Variants in AP4E1 observed in about 807,000 individuals in gnomAD.
AP4E1 encodes AP-4 complex subunit epsilon-1.
In AP4E1, 56 loss-of-function variants were observed where a neutral mutation model predicts 128.2. The ratio of observed to expected loss-of-function variants is 0.44; its 90% CI spans 0.35 to 0.55. The LOEUF (loss-of-function observed/expected upper bound fraction) is 0.55. Ranked by LOEUF, AP4E1 falls within the 20% of genes least tolerant of loss-of-function variation. The pLI is 0.00. For synonymous variants in AP4E1, 484 were observed against 473.1 expected (o/e 1.02, Z -0.30); for missense variants, 1,324 against 1,307.7 (o/e 1.01, Z -0.19).
intron 14 of AP4E1, among the ~76,000 whole-genome samples, chr15:50,961,832 A>G (rs2064318578): frequency 6.6e-6 from 1 of 152,008 alleles, no homozygotes. Flanking sequence ...TGCAGATGAC[A>G]TGATCTTATA....
At chr15:50,908,635 C>G, upstream of AP4E1, 5 of 1,117,684 alleles carry the variant, frequency 4.5e-6, no homozygotes, top group Non-Finnish European at 5.9e-6. Context: ...CGACGCTGAA[C>G]TTGTTCAGGT....
intron 13 of AP4E1, among the ~76,000 whole-genome samples, chr15:50,956,123 T>C (rs1299781214): frequency 6.6e-6 from 1 of 152,178 alleles, no homozygotes; most frequent in Non-Finnish European, 1.5e-5. Flanking sequence ...TTTTTAGGTA[T>C]ACTTAGTAGG....
At chr15:50,923,371 C>T (rs1455501098) in intron 3 of AP4E1, among the ~76,000 whole-genome samples, 1 of 152,056 alleles carries the variant, frequency 6.6e-6, no homozygotes. Flanking sequence ...ATGTGGCAGA[C>T]AGTGTTTCTT....
At chr15:50,922,989 G>A (rs1233705337) in intron 3 of AP4E1, among the ~76,000 whole-genome samples, 1 of 152,116 alleles carries the variant, frequency 6.6e-6, no homozygotes, top group East Asian at 1.9e-4. Flanking sequence ...GTGTTAGCCA[G>A]GATGGTCTCG....
chr15:50,975,190 G>A (rs2064535046), intron 15 of AP4E1, among the ~76,000 whole-genome samples: 1 of 152,190 alleles, frequency 6.6e-6, no homozygotes. Flanking sequence ...TGGACCACCT[G>A]AGGTCGGGAG....
chr15:50,944,653 C>A, intron 10 of AP4E1: 2 of 363,360 alleles, frequency 5.5e-6, no homozygotes. Flanking sequence ...GCCAGAAGAG[C>A]AACCAAGATG....
chr15:50,982,086 CAA>C (rs55717107), intron 15 of AP4E1, among the ~76,000 whole-genome samples: 639 of 49,234 alleles, frequency 0.013, 4 homozygotes, highest in African/African-American at 0.05. Context: ...ACTCCCATCT[CAA>C]AAAAAAAAAA....
rs2065001245 is a variant in AP4E1 at position 51,004,746 on chromosome 15, CAAACAATAATAG to C, written c.*2088_*2099del. The C allele has an allele frequency of 6.6e-6, 1 of 152,296 alleles. No individual in the cohort carries two copies. Among genetic ancestry groups the C allele is most frequent in the Non-Finnish European group, 1.5e-5 (1 of 67,960 alleles). 9.4% of individuals were successfully genotyped at this position (152,296 alleles called of 1,614,324 possible). ...TTTTATATTTTTATGATTTTAAAAA[CAAACAATAATAG>C]AAAAACAGATTTTAAGGAACTTCAG... On this transcript the variant is annotated 3_prime_UTR_variant, in exon 21 of 21. Coordinates refer to ENST00000261842, the MANE Select transcript of AP4E1 (RefSeq NM_007347.5).
chr15:50,931,712 A>T (rs974005945), intron 7 of AP4E1, among the ~76,000 whole-genome samples: 1 of 152,208 alleles, frequency 6.6e-6, no homozygotes, highest in Admixed American at 6.5e-5. Context: ...TAAAACTTGA[A>T]TCTCAAATCG....
At chr15:50,992,827 A>C (rs993424764) in intron 16 of AP4E1, among the ~76,000 whole-genome samples, 3 of 152,186 alleles carry the variant, frequency 2.0e-5, no homozygotes, top group African/African-American at 7.2e-5. Context: ...ATTTATGGGG[A>C]GCATGTATTC....
In AP4E1 at chr15:50,968,279, C is replaced by G. The variant is rs752020779; in HGVS notation, c.1868C>G (p.Ser623Cys). 1 of 1,612,850 alleles carries G rather than the reference C, an allele frequency of 6.2e-7. No homozygotes were observed. Among genetic ancestry groups the G allele is most frequent in the Non-Finnish European group, 8.5e-7 (1 of 1,179,324 alleles). Residue 623 changes from serine (S) to cysteine (C), a missense_variant, in exon 15 of 21, where the codon TCT (serine) becomes TGT (cysteine). Physicochemically the swap from Ser to Cys is moderately radical, Grantham distance 112. Coordinates refer to ENST00000261842, the MANE Select transcript of AP4E1 (RefSeq NM_007347.5). The part of the protein sequence containing the change: ...CEDLVVDASL[S>C]FLDGFVAEGL... ...TTAATATAGGTAGATGCTTCTTTAT[C>G]TTTTCTGGATGGTTTTGTGGCTGAA...
intron 13 of AP4E1, among the ~76,000 whole-genome samples, chr15:50,952,214 C>G (rs1196102634): frequency 6.6e-6 from 1 of 151,990 alleles, no homozygotes. Flanking sequence ...TTGTCATACC[C>G]AAGAGGTGTA....
rs991693986 is a variant in AP4E1 at position 50,930,924 on chromosome 15, A to C, written c.822A>C (p.Gln274His). 1 of 1,614,122 alleles carries C rather than the reference A, an allele frequency of 6.2e-7. No homozygotes were observed. The highest frequency in any genetic ancestry group is 1.1e-5 in the South Asian group (1 of 91,074). The change falls in exon 7 of 21, where the codon CAA (glutamine) becomes CAC (histidine). Residue 274 changes from glutamine (Q) to histidine (H), a missense_variant. Transcript: ENST00000261842. ...ACAGTGTGCCAGCACCATGGTTACA[A>C]ATTCAGCTCTTGAGAATACTGGGAC... is the stretch of plus-strand genomic sequence containing the variant. ...NYHSVPAPWL[Q>H]IQLLRILGLL...
intron 13 of AP4E1, among the ~76,000 whole-genome samples, chr15:50,954,543 T>A (rs571314461): frequency 7.3e-4 from 111 of 152,310 alleles, no homozygotes; most frequent in Middle Eastern, 3.4e-3. Context: ...GTTTAGTTTC[T>A]GAGTGTTTAG....
intron 16 of AP4E1, among the ~76,000 whole-genome samples, chr15:50,985,136 C>G (rs2064701634): frequency 6.6e-6 from 1 of 152,258 alleles, no homozygotes; most frequent in Admixed American, 6.5e-5. Flanking sequence ...ATATCCTTCA[C>G]CCACTTTTTG....
chr15:50,923,819 C>T (rs2063736713), intron 3 of AP4E1, 112 bp from the exon 4 acceptor site: 1 of 783,364 alleles, frequency 1.3e-6, no homozygotes, highest in East Asian at 2.6e-5. Context: ...ATTTGTGTTT[C>T]TGTTTACTTG....
chr15:50,936,512 T>C (rs921984563), intron 8 of AP4E1, among the ~76,000 whole-genome samples: 1 of 152,206 alleles, frequency 6.6e-6, no homozygotes, highest in African/African-American at 2.4e-5. Flanking sequence ...GTAAGTGTCC[T>C]TTCCACCCTT....
intron 8 of AP4E1, among the ~76,000 whole-genome samples, chr15:50,935,395 A>G (rs1256049527): frequency 6.8e-6 from 1 of 147,870 alleles, no homozygotes; most frequent in Non-Finnish European, 1.5e-5. Flanking sequence ...CAATTTAAAA[A>G]TTAGTAATAG....
At chr15:50,939,730 AG>A (rs2063957857) in intron 8 of AP4E1, among the ~76,000 whole-genome samples, 1 of 152,182 alleles carries the variant, frequency 6.6e-6, no homozygotes, top group South Asian at 2.1e-4. Flanking sequence ...GGGTAATGGC[AG>A]GCTTTTGTTA....
Sources: allele counts gnomAD v4.1 joint callset (sites outside exome capture counted in the v4.1 genomes callset), GRCh38; gene constraint gnomAD v4.1.1; transcripts MANE v1.5; gene names NCBI Gene and HGNC (gene_info 2026-07-23, HGNC 2026-07-21).